The following AHDC1 variants were observed in gnomAD, a reference collection of about 807,000 sequenced individuals.
AHDC1 encodes the protein transcription factor Gibbin.
Under a neutral mutation model 87.9 loss-of-function variants are expected in AHDC1, and 7 were observed. The ratio of observed to expected loss-of-function variants is 0.08; its 90% CI spans 0.05 to 0.15. AHDC1 has a LOEUF of 0.15. Ranked by LOEUF, AHDC1 falls within the 10% of genes least tolerant of loss-of-function variation. The pLI, the probability that AHDC1 is intolerant of heterozygous loss-of-function variation, is 1.00. For synonymous variants in AHDC1, 1,051 were observed against 1,006.8 expected (o/e 1.04, Z -0.83); for missense variants, 1,841 against 2,253.2 (o/e 0.82, Z 3.70).
At chr1:27,587,788 A>G (rs968512183) in intron 3 of AHDC1, among the ~76,000 whole-genome samples, 1 of 152,196 alleles carries the variant, frequency 6.6e-6, no homozygotes, top group Non-Finnish European at 1.5e-5. Context: ...TACAAGCCCA[A>G]CACCTGTACT....
intron 8 of AHDC1, among the ~76,000 whole-genome samples, chr1:27,546,727 G>C (rs1337159808): frequency 6.6e-6 from 1 of 152,160 alleles, no homozygotes; most frequent in East Asian, 1.9e-4. Flanking sequence ...ACGCCACACT[G>C]GCCACTCTTG....
intron 3 of AHDC1, among the ~76,000 whole-genome samples, chr1:27,602,554 C>A (rs542587360): frequency 2.6e-5 from 4 of 152,250 alleles, no homozygotes; most frequent in South Asian, 2.1e-4. Flanking sequence ...GGACCCAGAC[C>A]CAGCAGGGGA....
chr1:27,538,539 G>A (rs1262879195), intron 8 of AHDC1, among the ~76,000 whole-genome samples: 1 of 150,868 alleles, frequency 6.6e-6, no homozygotes, highest in Admixed American at 6.6e-5. Flanking sequence ...TTTTGAGACA[G>A]GTTCTCACTC....
At chr1:27,596,820 T>C (rs1351342504) in intron 3 of AHDC1, among the ~76,000 whole-genome samples, 1 of 151,768 alleles carries the variant, frequency 6.6e-6, no homozygotes, top group Non-Finnish European at 1.5e-5. Context: ...TAAACGTGCA[T>C]CCACACATAC....
chr1:27,551,152 C>T lies in AHDC1; in HGVS notation c.964G>A (p.Asp322Asn), dbSNP rs1396775351. ...LALQALDTLPDSLESQLLDPQ... is the reference protein window; with the variant it reads ...LALQALDTLPNSLESQLLDPQ... Reference sequence around the variant, plus strand: ...TCAAGCAGCTGCGACTCCAAGGAGTCAGGCAGGGTGTCCAGGGCCTGGAGA... The same window carrying T: ...TCAAGCAGCTGCGACTCCAAGGAGTTAGGCAGGGTGTCCAGGGCCTGGAGA... Residue 322 changes from aspartate (D) to asparagine (N), a missense_variant, in exon 8 of 9, where the codon GAC becomes AAC. Asp to Asn is a conservative substitution (Grantham distance 23, BLOSUM62 1). Transcript: ENST00000673934. 1.2e-6 allele frequency: 2 copies of T among 1,605,882 alleles called. No individual in the cohort carries two copies. Among genetic ancestry groups the T allele is most frequent in the Non-Finnish European group, 1.7e-6 (2 of 1,176,770 alleles).
chr1:27,573,231 T>G (rs2088599944), intron 3 of AHDC1, among the ~76,000 whole-genome samples: 1 of 152,188 alleles, frequency 6.6e-6, no homozygotes, highest in South Asian at 2.1e-4. Flanking sequence ...GCTTGGAGCC[T>G]GTCAGAGCTA....
intron 8 of AHDC1, among the ~76,000 whole-genome samples, chr1:27,536,153 T>A (rs1364254462): frequency 6.6e-6 from 1 of 152,240 alleles, no homozygotes; most frequent in Admixed American, 6.5e-5. Context: ...TCCTCCCTTG[T>A]ACTTTCTTGG....
rs1446076729 is a variant in AHDC1, at chr1:27,556,380, T to C, written c.-225+1925A>G. ...TCGAAGGCCCTGGGATGTCCTCAAA[T>C]GGAAAACACTGCATCAAAGGGGCCA... On this transcript the variant is annotated intron_variant, in intron 5 of 8. Transcript: ENST00000673934. Among the ~76,000 whole-genome samples, 6 of 151,996 alleles carry C rather than the reference T, an allele frequency of 3.9e-5. No individual in the cohort carries two copies. In the South Asian group the frequency reaches 1.0e-3, roughly 26 times the overall value.
In AHDC1 at chr1:27,549,947, T is replaced by C; in HGVS notation, c.2169A>G (p.Pro723=). ...GGPGLTELGH[P]RKRGRGEVDA... is the part of the protein sequence containing the mutation. ...CTACCTCCCCCCGGCCCCGTTTGCG[T>C]GGGTGCCCCAACTCAGTAAGGCCCG... Residue 723 remains proline (P), a synonymous_variant, in exon 8 of 9, where the codon CCA becomes CCG. Coordinates refer to ENST00000673934, the MANE Select transcript of AHDC1 (RefSeq NM_001371928.1). 1 of 1,613,020 alleles carries C rather than the reference T, an allele frequency of 6.2e-7. No individual in the cohort carries two copies. Among genetic ancestry groups the C allele is most frequent in the Non-Finnish European group, 8.5e-7 (1 of 1,179,616 alleles).
At chr1:27,580,185 T>C (rs186246951) in intron 3 of AHDC1, among the ~76,000 whole-genome samples, 6 of 152,070 alleles carry the variant, frequency 3.9e-5, no homozygotes, top group African/African-American at 1.4e-4. Flanking sequence ...GAGTTAGGGG[T>C]AAGCCCTTCC....
At chr1:27,538,642 G>A (rs766518641) in intron 8 of AHDC1, among the ~76,000 whole-genome samples, 7 of 151,718 alleles carry the variant, frequency 4.6e-5, no homozygotes, top group Non-Finnish European at 1.0e-4. Flanking sequence ...AGCACCTTGA[G>A]TAGCTGGTAC....
At chr1:27,599,945 T>C (rs1433599213) in intron 3 of AHDC1, among the ~76,000 whole-genome samples, 1 of 151,796 alleles carries the variant, frequency 6.6e-6, no homozygotes, top group Non-Finnish European at 1.5e-5. Context: ...TCTGCTTGTC[T>C]CTCCTCCAAA....
At chr1:27,568,699 G>T (rs1031693154) in intron 3 of AHDC1, among the ~76,000 whole-genome samples, 1 of 151,598 alleles carries the variant, frequency 6.6e-6, no homozygotes, top group African/African-American at 2.4e-5. Flanking sequence ...CCTTTCCCCC[G>T]GCCGCGGCGC....
intron 8 of AHDC1, among the ~76,000 whole-genome samples, chr1:27,540,508 C>T (rs924278280): frequency 2.0e-5 from 3 of 151,578 alleles, no homozygotes; most frequent in Non-Finnish European, 2.9e-5. Flanking sequence ...GAGTTGGTGG[C>T]GTGGCAAGGA....
At chr1:27,584,140 G>T (rs1003295954) in intron 3 of AHDC1, among the ~76,000 whole-genome samples, 1 of 152,208 alleles carries the variant, frequency 6.6e-6, no homozygotes, top group Admixed American at 6.5e-5. Flanking sequence ...GGAAATCAAG[G>T]CCCAGAGAGG....
At position 27,551,250 on chromosome 1, in the gene AHDC1, T is replaced by A; in HGVS notation, c.866A>T (p.Glu289Val). 6.2e-7 allele frequency: 1 copy of A among 1,609,870 alleles called. No homozygotes were observed. ...QPRFLDPQAL[E>V]PLGEALELPP... ...CAGCTCCAGAGCTTCCCCGAGCGGC[T>A]CTAGTGCCTGCGGGTCCAGGAAGCG... is the stretch of plus-strand genomic sequence containing the variant. The change falls in exon 8 of 9, where the codon GAG becomes GTG. Residue 289 changes from glutamate (E) to valine (V), a missense_variant. Physicochemically the swap from Glu to Val is moderately radical, Grantham distance 121 (BLOSUM62 -2). Coordinates refer to ENST00000673934, the MANE Select transcript of AHDC1 (RefSeq NM_001371928.1).
chr1:27,539,855 G>C (rs2018826469), intron 8 of AHDC1, among the ~76,000 whole-genome samples: 1 of 152,168 alleles, frequency 6.6e-6, no homozygotes, highest in South Asian at 2.1e-4. Flanking sequence ...CTGTGAGGCA[G>C]TAGGACCAAA....
intron 3 of AHDC1, among the ~76,000 whole-genome samples, chr1:27,568,880 G>C (rs1423882374): frequency 1.3e-5 from 2 of 152,004 alleles, no homozygotes; most frequent in Non-Finnish European, 2.9e-5. Flanking sequence ...AAGGCGACTT[G>C]TTCTTTCTCG....
At chr1:27,564,120 A>T (rs556841957) in intron 3 of AHDC1, among the ~76,000 whole-genome samples, 17 of 152,054 alleles carry the variant, frequency 1.1e-4, no homozygotes, top group African/African-American at 4.1e-4. Context: ...AGCTGGGGAC[A>T]AGGAGGCCAA....
Sources: gnomAD v4.1 joint callset for allele counts (sites outside exome capture counted in the v4.1 genomes callset) on GRCh38, gnomAD v4.1.1 for gene constraint, MANE v1.5 for transcripts, NCBI Gene and HGNC (gene_info 2026-07-23, HGNC 2026-07-21) for gene names.